Variants in AGAP3 observed in about 807,000 individuals in gnomAD.
AGAP3 encodes arf-GAP with GTPase, ANK repeat and PH domain-containing protein 3.
Under a neutral mutation model 96.9 loss-of-function variants are expected in AGAP3, and 24 were observed. That is an observed-to-expected ratio of 0.25 (90% CI 0.18 to 0.35). AGAP3 has a LOEUF of 0.35. Among genes scored for constraint, AGAP3 ranks in the 10% least tolerant of loss-of-function variants. AGAP3 has a pLI of 1.00. For missense variants in AGAP3, 876 were observed against 1,254.2 expected (o/e 0.70, Z 4.55); for synonymous variants, 563 against 536.1 (o/e 1.05, Z -0.69).
At position 151,141,779 on chromosome 7, in the gene AGAP3, A is replaced by AG. The variant is rs777597809; in HGVS notation, c.1805-116dup. 1.4e-4 allele frequency: 186 copies of AG among 1,302,934 alleles called. No homozygotes were observed. The highest frequency in any genetic ancestry group is 8.8e-5 in the Non-Finnish European group (80 of 913,184). The allele number at this position is 1,302,934 out of a possible 1,614,324, so 80.7% of individuals were successfully genotyped here. A position where few individuals can be genotyped will look rare whatever the true frequency, so the allele number is the denominator to read the frequency against. ...GAGTGTGTGGCCTTGCAGCTGGGGA[A>AG]GGGTCTAGGGGAGGACACTTGCCAG... On this transcript the variant is annotated intron_variant, in intron 13 of 17. Coordinates refer to ENST00000397238, the MANE Select transcript of AGAP3 (RefSeq NM_031946.7). The surrounding 1 kb of genome is among the most constrained non-coding windows in gnomAD (Gnocchi z 4.2).
rs1387595550 is a variant in AGAP3 at position 151,138,209 on chromosome 7, C to T, written c.1562C>T (p.Ala521Val). 20 of 1,609,642 alleles carry T rather than the reference C, an allele frequency of 1.2e-5. No individual in the cohort carries two copies. Among genetic ancestry groups the T allele is most frequent in the Non-Finnish European group, 1.7e-5 (20 of 1,178,702 alleles). The change falls in exon 12 of 18, where the codon GCT becomes GTT. Residue 521 changes from alanine to valine, a missense_variant. Transcript: ENST00000397238. ...CGCCCCCTCAGCAGCTCGGCCTGGG[C>T]TGGCCCGCGCCCTGAGGGGCTGCAC... Reference protein sequence around the residue: ...SERPLSSSAWAGPRPEGLHQR... With the variant: ...SERPLSSSAWVGPRPEGLHQR...
intron 9 of AGAP3, among the ~76,000 whole-genome samples, chr7:151,126,071 G>A (rs1471985962): frequency 6.6e-6 from 1 of 150,612 alleles, no homozygotes; most frequent in Non-Finnish European, 1.5e-5. Context: ...GGGTGGGGCG[G>A]GGCTGAGCGG....
chr7:151,122,572 C>T (rs1799959922), intron 8 of AGAP3, among the ~76,000 whole-genome samples: 1 of 151,112 alleles, frequency 6.6e-6, no homozygotes, highest in Non-Finnish European at 1.5e-5. Context: ...TGTCCTTCTC[C>T]TCTTCCTCGT....
chr7:151,104,871 C>T (rs943418002), intron 1 of AGAP3, among the ~76,000 whole-genome samples: 3 of 149,980 alleles, frequency 2.0e-5, no homozygotes, highest in Non-Finnish European at 4.4e-5. Context: ...GAAGAACGGA[C>T]AGAACATGCA....
At chr7:151,122,629 C>T in intron 8 of AGAP3, 2 of 1,485,322 alleles carry the variant, frequency 1.3e-6, no homozygotes, top group South Asian at 1.2e-5. Flanking sequence ...GCCGCCGCTC[C>T]CCAGGCGCCT....
intron 8 of AGAP3, 118 bp from the exon 9 acceptor site, chr7:151,123,676 C>T (rs1226356185): frequency 3.8e-6 from 6 of 1,558,876 alleles, no homozygotes; most frequent in East Asian, 2.3e-5. Flanking sequence ...CGCCCCGGCC[C>T]GACCCACTGC....
rs1032719910 is a variant in AGAP3 at position 151,114,236 on chromosome 7, G to A, written c.332-2557G>A. Among the ~76,000 whole-genome samples the A allele has an allele frequency of 6.6e-6, 1 of 152,258 alleles. No homozygotes were observed. Among genetic ancestry groups the A allele is most frequent in the African/African-American group, 2.4e-5 (1 of 41,478 alleles). On this transcript the variant is annotated intron_variant, in intron 1 of 17. Coordinates refer to ENST00000397238, the MANE Select transcript of AGAP3 (RefSeq NM_031946.7). This position sits in a 1 kb window ranked among gnomAD's most constrained non-coding sequence, Gnocchi z 4.4. ...ACCTCGTTGAAGCTCGCGTGCTGCAGACGAGGACACGCGCGCAGACCCGGC... is the reference window on the plus strand; with the variant it reads ...ACCTCGTTGAAGCTCGCGTGCTGCAAACGAGGACACGCGCGCAGACCCGGC...
Position 151,138,259 on chromosome 7 carries a change from GCC to G in AGAP3, c.1613_1614del (p.Ala538GlyfsTer5). On this transcript the variant is annotated frameshift_variant, in exon 12 of 18. Transcript: ENST00000397238. LOFTEE classifies it high-confidence loss of function. ...CCAGCGCTCCTGCTCCGTTTCCAGC[GCC>G]GACCAGTGGAGTGAGGCCACCACTT... ...LHQRSCSVSS[A>X]DQWSEATTSL... 2 of 1,612,878 alleles carry G rather than the reference GCC, an allele frequency of 1.2e-6. No individual in the cohort carries two copies. The highest frequency in any genetic ancestry group is 1.7e-6 in the Non-Finnish European group (2 of 1,179,826).
At chr7:151,117,044 C>T (rs367823906) in intron 2 of AGAP3, 51 bp from the exon 3 acceptor site, 113 of 1,571,480 alleles carry the variant, frequency 7.2e-5, no homozygotes, top group Non-Finnish European at 8.8e-5. Context: ...GCTGGGTCTT[C>T]TCCCTCGTGC....
intron 5 of AGAP3, 147 bp downstream of exon 5, chr7:151,117,924 C>T: frequency 8.3e-7 from 1 of 1,203,350 alleles, no homozygotes; most frequent in South Asian, 1.6e-5. Context: ...CTCCGTGCTG[C>T]TCGTGTCTGA....
intron 10 of AGAP3, among the ~76,000 whole-genome samples, chr7:151,129,987 T>C (rs1401224583): frequency 1.3e-5 from 2 of 152,216 alleles, no homozygotes; most frequent in Admixed American, 1.3e-4. Flanking sequence ...GCCAGGAGAC[T>C]GCACCAGCGT....
rs949779276 is a variant in AGAP3, at chr7:151,114,365, T to C, written c.332-2428T>C. Among the ~76,000 whole-genome samples the C allele has an allele frequency of 6.6e-6, 1 of 152,210 alleles. No homozygotes were observed. The highest frequency in any genetic ancestry group is 1.5e-5 in the Non-Finnish European group (1 of 68,038). Reference sequence around the variant, plus strand: ...AAGAATGAGAAATGGCCCGCTTTTCTCCAAAATGGGGCCCAGTGTGTGGTG... The same window carrying C: ...AAGAATGAGAAATGGCCCGCTTTTCCCCAAAATGGGGCCCAGTGTGTGGTG... On this transcript the variant is annotated intron_variant, in intron 1 of 17. Coordinates refer to ENST00000397238, the MANE Select transcript of AGAP3 (RefSeq NM_031946.7). This position sits in a 1 kb window ranked among gnomAD's most constrained non-coding sequence, Gnocchi z 4.4.
rs1800732184 is a variant in AGAP3 at position 151,139,361 on chromosome 7, G to A, written c.1667-618G>A. Among the ~76,000 whole-genome samples the A allele has an allele frequency of 6.6e-6, 1 of 152,206 alleles. No homozygotes were observed. Among genetic ancestry groups the A allele is most frequent in the Non-Finnish European group, 1.5e-5 (1 of 68,028 alleles). On this transcript the variant is annotated intron_variant, in intron 12 of 17. Transcript: ENST00000397238. The surrounding 1 kb of genome is among the most constrained non-coding windows in gnomAD (Gnocchi z 4.9). ...CCCACCCCTGGGAGAAGTGAGCTTG[G>A]AGCGCATGAGAAGGGGAGCCAGGGG...
rs1799160497 is a variant in AGAP3, at chr7:151,108,731, C to A, written c.332-8062C>A. ...TAATGTGAAATGATGACTTAGAGGC[C>A]CAAGCTCCAGCCTGGGATTCTGGAG... On this transcript the variant is annotated intron_variant, in intron 1 of 17. Coordinates refer to ENST00000397238, the MANE Select transcript of AGAP3 (RefSeq NM_031946.7). The surrounding 1 kb of genome is among the most constrained non-coding windows in gnomAD (Gnocchi z 4.2). Among the ~76,000 whole-genome samples the A allele has an allele frequency of 6.6e-6, 1 of 152,200 alleles. No homozygotes were observed. Among genetic ancestry groups the A allele is most frequent in the African/African-American group, 2.4e-5 (1 of 41,440 alleles).
chr7:151,097,196 G>A (rs754446929), intron 1 of AGAP3, among the ~76,000 whole-genome samples: 1 of 152,086 alleles, frequency 6.6e-6, no homozygotes, highest in South Asian at 2.1e-4. Context: ...AAGTTCTTAT[G>A]TTGCTATAAA....
intron 1 of AGAP3, among the ~76,000 whole-genome samples, chr7:151,100,619 T>C (rs965099482): frequency 3.3e-5 from 5 of 152,046 alleles, no homozygotes; most frequent in Middle Eastern, 3.4e-3. Context: ...ATCGCTTGAG[T>C]CCAGGAGTTC....
At chr7:151,117,976 C>A in intron 5 of AGAP3, 199 bp downstream of exon 5, 1 of 892,678 alleles carries the variant, frequency 1.1e-6, no homozygotes, top group Non-Finnish European at 1.7e-6. Context: ...CTGTGACTAG[C>A]AGGTCTGTGT....
At chr7:151,100,554 G>A (rs1798797097) in intron 1 of AGAP3, among the ~76,000 whole-genome samples, 1 of 152,196 alleles carries the variant, frequency 6.6e-6, no homozygotes. Flanking sequence ...AGGCCGGGCC[G>A]GGCACAGTGG....
At chr7:151,103,500 A>G (rs1249406551) in intron 1 of AGAP3, among the ~76,000 whole-genome samples, 2 of 152,098 alleles carry the variant, frequency 1.3e-5, no homozygotes, top group Admixed American at 6.5e-5. Flanking sequence ...TGTGATCATT[A>G]TTAACATTTT....
Sources: allele counts gnomAD v4.1 joint callset (sites outside exome capture counted in the v4.1 genomes callset), GRCh38; gene constraint gnomAD v4.1.1; non-coding constraint Gnocchi (gnomAD v3.1); transcripts MANE v1.5; gene names NCBI Gene and HGNC (gene_info 2026-07-23, HGNC 2026-07-21).